COL13A1: variants seen among roughly 807,000 people sequenced by gnomAD.
COL13A1 encodes collagen alpha-1(XIII) chain.
In COL13A1, 89 loss-of-function variants were observed where a neutral mutation model predicts 130.9. The observed-to-expected ratio is 0.68, with a 90% confidence interval of 0.57 to 0.81. The LOEUF (loss-of-function observed/expected upper bound fraction) is 0.81, where lower values mean the gene tolerates loss of function less well. Ranked by LOEUF, COL13A1 falls within the 30% of genes least tolerant of loss-of-function variation. The pLI, the probability that COL13A1 is intolerant of heterozygous loss-of-function variation, is 0.00. For synonymous variants in COL13A1, 402 were observed against 341.6 expected, an observed-to-expected ratio of 1.18 and a Z score of -1.95; for missense variants, 879 against 934.6, an observed-to-expected ratio of 0.94 and a Z score of 0.78.
intron 1 of COL13A1, among the ~76,000 whole-genome samples, chr10:69,809,820 C>G (rs556097077): frequency 6.6e-6 from 1 of 152,332 alleles, no homozygotes; most frequent in East Asian, 1.9e-4. Flanking sequence ...GTGATGAGTA[C>G]TCTGAGGGAA....
At chr10:69,882,022 G>A (rs2060190699) in intron 7 of COL13A1, among the ~76,000 whole-genome samples, 1 of 152,218 alleles carries the variant, frequency 6.6e-6, no homozygotes, top group African/African-American at 2.4e-5. Context: ...CTCACACGGT[G>A]GCTGCCCCGA....
chr10:69,811,592 C>T (rs1316861918), intron 1 of COL13A1, among the ~76,000 whole-genome samples: 2 of 152,136 alleles, frequency 1.3e-5, no homozygotes, highest in Non-Finnish European at 1.5e-5. Flanking sequence ...CTCCGGACAC[C>T]TCCAGCCTCA....
chr10:69,853,856 G>T (rs1855672788), intron 2 of COL13A1, among the ~76,000 whole-genome samples: 1 of 152,214 alleles, frequency 6.6e-6, no homozygotes, highest in African/African-American at 2.4e-5. Flanking sequence ...TATGCGTGTG[G>T]ACGAGGATCA....
intron 2 of COL13A1, among the ~76,000 whole-genome samples, chr10:69,842,676 TTGTCTCCAGTAGCCAGGACAGGCTGTGCA>T (rs1402331753): frequency 5.9e-5 from 9 of 152,240 alleles, no homozygotes; most frequent in Non-Finnish European, 1.5e-5. Context: ...CACTACACTC[TTGTCTCCAGTAGCCAGGACAGGCTGTGCA>T]TGCCCAGATG....
intron 4 of COL13A1, 108 bp from the exon 5 acceptor site, chr10:69,875,020 A>T: frequency 7.2e-7 from 1 of 1,389,838 alleles, no homozygotes; most frequent in Non-Finnish European, 1.0e-6. Flanking sequence ...CCCGCTGCAA[A>T]CTGGGTTAGC....
At chr10:69,882,516 A>G (rs1280898699) in intron 7 of COL13A1, among the ~76,000 whole-genome samples, 1 of 152,220 alleles carries the variant, frequency 6.6e-6, no homozygotes, top group East Asian at 1.9e-4. Flanking sequence ...CTGTCACATA[A>G]TAGGTCTCCT....
chr10:69,874,407 T>C (rs979427315), intron 4 of COL13A1, among the ~76,000 whole-genome samples: 27 of 152,238 alleles, frequency 1.8e-4, no homozygotes, highest in African/African-American at 6.0e-4. Flanking sequence ...GATGTCTGCA[T>C]GCATATGATG....
rs192278852 is a variant in COL13A1, at chr10:69,903,179, C to G, written c.858+324C>G. On this transcript the variant is annotated intron_variant, in intron 15 of 40. Transcript: ENST00000645393. The stretch of plus-strand genomic sequence containing the variant: ...GCACCTCTGATGGCTATCCCTGAGC[C>G]CCTTAGCAAAACCTGAGTCAGGCAG... 9.7e-4 allele frequency among the ~76,000 whole-genome samples: 148 copies of G among 152,322 alleles called. 2 individuals carry two copies. The highest frequency in any genetic ancestry group is 2.5e-4 in the Non-Finnish European group (17 of 68,032).
chr10:69,862,258 T>G (rs1858351128), intron 2 of COL13A1, among the ~76,000 whole-genome samples: 1 of 152,222 alleles, frequency 6.6e-6, no homozygotes, highest in South Asian at 2.1e-4. Context: ...ATAGGCAAGT[T>G]GCACCCTTCT....
intron 17 of COL13A1, among the ~76,000 whole-genome samples, chr10:69,911,443 G>A (rs556850559): frequency 1.3e-5 from 2 of 152,184 alleles, no homozygotes; most frequent in Non-Finnish European, 2.9e-5. Flanking sequence ...AGCATACTGA[G>A]GTTCACAGAG....
At chr10:69,945,349 C>CCTTTCT (rs1293197646) in intron 36 of COL13A1, among the ~76,000 whole-genome samples, 1 of 152,206 alleles carries the variant, frequency 6.6e-6, no homozygotes, top group Non-Finnish European at 1.5e-5. Flanking sequence ...CTTTCTCTTC[C>CCTTTCT]CTTTCTCTTT....
intron 15 of COL13A1, 135 bp downstream of exon 15, chr10:69,902,990 T>C (rs1169631084): frequency 4.8e-6 from 3 of 624,220 alleles, no homozygotes; most frequent in East Asian, 6.3e-5. Context: ...GGGTGAACCA[T>C]GCAAGGGGCT....
intron 3 of COL13A1, among the ~76,000 whole-genome samples, chr10:69,869,776 A>G (rs1207097050): frequency 6.6e-6 from 1 of 152,214 alleles, no homozygotes; most frequent in Non-Finnish European, 1.5e-5. Flanking sequence ...CCTGGATTCA[A>G]TTTAAGGGAG....
At chr10:69,805,240 T>G (rs4746912) in intron 1 of COL13A1, among the ~76,000 whole-genome samples, 43,490 of 151,926 alleles carry the variant, frequency 0.29, 6,680 homozygotes, top group East Asian at 0.42. Flanking sequence ...CTAGAGTGAG[T>G]GCTTACGGCT....
At chr10:69,805,755 CAGGTCTGAGCAA>C (rs923984891) in intron 1 of COL13A1, among the ~76,000 whole-genome samples, 2 of 152,146 alleles carry the variant, frequency 1.3e-5, no homozygotes, top group Non-Finnish European at 2.9e-5. Context: ...TGTGTTCTCC[CAGGTCTGAGCAA>C]AGGTCTGAGC....
intron 2 of COL13A1, among the ~76,000 whole-genome samples, chr10:69,861,823 T>A (rs1858178099): frequency 6.6e-6 from 1 of 152,134 alleles, no homozygotes; most frequent in Non-Finnish European, 1.5e-5. Flanking sequence ...ACTGTAGGTG[T>A]GTGTGATTTA....
In COL13A1 at chr10:69,843,605, C is replaced by T. The variant is rs576726271; in HGVS notation, c.364+21167C>T. ...TCCATTATTGCAAAATGTTTTCTATCCAACAGCTTTGATCTATAAAATGAG... is the reference window on the plus strand; with the variant it reads ...TCCATTATTGCAAAATGTTTTCTATTCAACAGCTTTGATCTATAAAATGAG... On this transcript the variant is annotated intron_variant, in intron 2 of 40. Transcript: ENST00000645393. Among the ~76,000 whole-genome samples the T allele has an allele frequency of 2.6e-5, 4 of 152,294 alleles. No individual in the cohort carries two copies. In the South Asian group the frequency reaches 8.3e-4, roughly 32 times the overall value.
intron 40 of COL13A1, among the ~76,000 whole-genome samples, chr10:69,957,446 A>G (rs1219697263): frequency 4.6e-5 from 7 of 152,184 alleles, no homozygotes; most frequent in Non-Finnish European, 1.0e-4. Flanking sequence ...CTGAACTCAC[A>G]TGCTACTGTG....
chr10:69,838,061 C>T (rs965867888), intron 2 of COL13A1, among the ~76,000 whole-genome samples: 1 of 152,194 alleles, frequency 6.6e-6, no homozygotes, highest in African/African-American at 2.4e-5. Context: ...GGTTGGTCAC[C>T]CCTGGACATT....
Sources: allele counts gnomAD v4.1 joint callset (sites outside exome capture counted in the v4.1 genomes callset), GRCh38; gene constraint gnomAD v4.1.1; transcripts MANE v1.5; gene names NCBI Gene and HGNC (gene_info 2026-07-23, HGNC 2026-07-21).